BBS9: variants seen among roughly 807,000 people sequenced by gnomAD.
BBS9 encodes Bardet-Biedl syndrome 9.
BBS9 carries 89 observed loss-of-function variants against 117.7 expected under a neutral mutation model. The observed-to-expected ratio is 0.76, with a 90% CI of 0.64 to 0.90. The LOEUF (loss-of-function observed/expected upper bound fraction) is 0.90. Ranked by LOEUF, BBS9 falls within the 40% of genes least tolerant of loss-of-function variation. The pLI is 0.00. For synonymous variants in BBS9, 379 were observed against 370.9 expected, an observed-to-expected ratio of 1.02 and a Z score of -0.25; for missense variants, 982 against 1,042.2, an observed-to-expected ratio of 0.94 and a Z score of 0.80.
intron 2 of BBS9, among the ~76,000 whole-genome samples, chr7:33,152,206 G>A (rs1339609238): frequency 6.6e-6 from 1 of 152,018 alleles, no homozygotes; most frequent in Admixed American, 6.6e-5. Context: ...TTTTTGGGGG[G>A]ACACAATTTA....
At chr7:33,199,823 A>G (rs1422776117) in intron 5 of BBS9, among the ~76,000 whole-genome samples, 1 of 151,972 alleles carries the variant, frequency 6.6e-6, no homozygotes, top group Non-Finnish European at 1.5e-5. Context: ...TGTTAGCAAG[A>G]TACAGTATAT....
chr7:33,305,745 G>A lies in BBS9; in HGVS notation c.1017-30696G>A, dbSNP rs901746360. 2.0e-5 allele frequency among the ~76,000 whole-genome samples: 3 copies of A among 151,940 alleles called. No individual in the cohort carries two copies. In the East Asian group the frequency reaches 5.8e-4, roughly 29 times the overall value. Reference sequence around the variant, plus strand: ...CCTTTTAATTTATGTATCATTGGTTGTAATGTCTCCCTTTTTATATCTTAT... The same window carrying A: ...CCTTTTAATTTATGTATCATTGGTTATAATGTCTCCCTTTTTATATCTTAT... On this transcript the variant is annotated intron_variant, in intron 9 of 22. Transcript: ENST00000242067.
chr7:33,602,982 G>C (rs1488283925), intron 21 of BBS9, among the ~76,000 whole-genome samples: 8 of 152,160 alleles, frequency 5.3e-5, no homozygotes, highest in Admixed American at 5.2e-4. Context: ...ACGTGATAGA[G>C]AACTAGGAAG....
intron 21 of BBS9, among the ~76,000 whole-genome samples, chr7:33,549,982 G>C (rs1179637068): frequency 1.3e-5 from 2 of 152,242 alleles, no homozygotes; most frequent in South Asian, 2.1e-4. Flanking sequence ...GGATGAAAAA[G>C]TTGATATTTA....
chr7:33,360,502 A>G (rs1820419213), intron 16 of BBS9, among the ~76,000 whole-genome samples: 1 of 146,898 alleles, frequency 6.8e-6, no homozygotes, highest in Non-Finnish European at 1.5e-5. Context: ...CACCCCAGAA[A>G]AGTGAATTAA....
chr7:33,140,427 T>C (rs1791265314), intron 1 of BBS9, among the ~76,000 whole-genome samples: 1 of 152,230 alleles, frequency 6.6e-6, no homozygotes, highest in African/African-American at 2.4e-5. Flanking sequence ...TTCCTGATTA[T>C]GCTTTTCATC....
chr7:33,621,972 G>A (rs1435955174), intron 21 of BBS9, among the ~76,000 whole-genome samples: 1 of 152,166 alleles, frequency 6.6e-6, no homozygotes, highest in African/African-American at 2.4e-5. Flanking sequence ...CTCTTTGAGG[G>A]GCCAAGGCAG....
chr7:33,373,719 A>G (rs981156368), intron 17 of BBS9, among the ~76,000 whole-genome samples: 3 of 152,198 alleles, frequency 2.0e-5, no homozygotes, highest in Non-Finnish European at 4.4e-5. Flanking sequence ...ATGTTTCAAT[A>G]TCCTGAAAGA....
At chr7:33,583,807 G>GGTAA (rs1860423817) in intron 21 of BBS9, among the ~76,000 whole-genome samples, 1 of 151,974 alleles carries the variant, frequency 6.6e-6, no homozygotes, top group African/African-American at 2.4e-5. Flanking sequence ...TGTGACCTTG[G>GGTAA]GTAAGTTATT....
intron 5 of BBS9, among the ~76,000 whole-genome samples, chr7:33,182,685 C>T (rs1798257440): frequency 6.6e-6 from 1 of 152,066 alleles, no homozygotes; most frequent in Admixed American, 6.6e-5. Context: ...ACCAATTAAT[C>T]AGAACTTATA....
chr7:33,404,986 A>G (rs960424376), intron 19 of BBS9, among the ~76,000 whole-genome samples: 8 of 152,170 alleles, frequency 5.3e-5, no homozygotes, highest in Non-Finnish European at 7.3e-5. Flanking sequence ...TGGGTTTGTC[A>G]TAGATAGCTC....
intron 21 of BBS9, among the ~76,000 whole-genome samples, chr7:33,574,681 G>GAA (rs1858408314): frequency 9.6e-6 from 1 of 103,834 alleles, no homozygotes; most frequent in South Asian, 3.5e-4. Flanking sequence ...GGAAGTCATA[G>GAA]AAAACACACA....
intron 9 of BBS9, among the ~76,000 whole-genome samples, chr7:33,317,876 A>T (rs558802306): frequency 2.0e-4 from 31 of 151,998 alleles, no homozygotes; most frequent in Non-Finnish European, 4.1e-4. Flanking sequence ...ACCTGGCGAA[A>T]CCCCGTCTAA....
At chr7:33,423,395 GGT>G (rs142355079) in intron 19 of BBS9, among the ~76,000 whole-genome samples, 22 of 149,946 alleles carry the variant, frequency 1.5e-4, no homozygotes, top group South Asian at 2.1e-4. Flanking sequence ...ATACCTTGGG[GGT>G]GTGTGTGTGT....
chr7:33,565,678 C>T (rs975355160), intron 21 of BBS9, among the ~76,000 whole-genome samples: 3 of 150,416 alleles, frequency 2.0e-5, no homozygotes, highest in African/African-American at 2.4e-5. Flanking sequence ...TAAGTTTTAA[C>T]AGTCTATCTT....
intron 5 of BBS9, among the ~76,000 whole-genome samples, chr7:33,230,168 T>A (rs554383778): frequency 6.6e-6 from 1 of 152,348 alleles, no homozygotes; most frequent in African/African-American, 2.4e-5. Context: ...CCTTGTGAGA[T>A]ATATGGTTTG....
chr7:33,441,050 A>C (rs1836091766), intron 19 of BBS9, among the ~76,000 whole-genome samples: 2 of 152,362 alleles, frequency 1.3e-5, no homozygotes, highest in East Asian at 3.9e-4. Context: ...TTTTCCGAAC[A>C]CTTCAACAGA....
At chr7:33,594,451 G>A (rs147833306) in intron 21 of BBS9, among the ~76,000 whole-genome samples, 1 of 152,090 alleles carries the variant, frequency 6.6e-6, no homozygotes, top group African/African-American at 2.4e-5. Flanking sequence ...AAAACAGGGA[G>A]AAAGAAAAGT....
chr7:33,394,147 T>G (rs1286308395), intron 19 of BBS9, among the ~76,000 whole-genome samples: 1 of 152,140 alleles, frequency 6.6e-6, no homozygotes, highest in Admixed American at 6.5e-5. Flanking sequence ...AGGGGAAGGA[T>G]TTGGCCTCTA....
Sources: gnomAD v4.1 joint callset for allele counts (sites outside exome capture counted in the v4.1 genomes callset) on GRCh38, gnomAD v4.1.1 for gene constraint, MANE v1.5 for transcripts, NCBI Gene and HGNC (gene_info 2026-07-23, HGNC 2026-07-21) for gene names.